The following MACROD2 variants were observed in gnomAD, a reference collection of about 807,000 sequenced individuals.
MACROD2 encodes the protein ADP-ribose glycohydrolase MACROD2.
Under a neutral mutation model 70.4 loss-of-function variants are expected in MACROD2, and 36 were observed. The ratio of observed to expected loss-of-function variants is 0.51; its 90% confidence interval spans 0.39 to 0.68. MACROD2 has a LOEUF of 0.68. Ranked by LOEUF, MACROD2 falls within the 30% of genes least tolerant of loss-of-function variation. The pLI, the probability that MACROD2 is intolerant of heterozygous loss-of-function variation, is 0.00. For missense variants in MACROD2, 496 were observed against 538.4 expected (o/e 0.92, Z 0.78); for synonymous variants, 172 against 178.8 (o/e 0.96, Z 0.30).
At chr20:14,698,219 G>A (rs192498565) in intron 5 of MACROD2, among the ~76,000 whole-genome samples, 36 of 152,226 alleles carry the variant, frequency 2.4e-4, no homozygotes, top group African/African-American at 5.1e-4. Flanking sequence ...TGGTCTTCCC[G>A]TCTGGGATGT....
intron 5 of MACROD2, among the ~76,000 whole-genome samples, chr20:15,190,086 A>T (rs1179662879): frequency 1.3e-5 from 2 of 152,178 alleles, no homozygotes; most frequent in Non-Finnish European, 1.5e-5. Context: ...TCCTCTTGTG[A>T]TGTATATTTA....
chr20:15,280,951 T>C (rs2193282), intron 6 of MACROD2: 37,749 of 152,216 alleles, frequency 0.25, 4,848 homozygotes, highest in Non-Finnish European at 0.28. Flanking sequence ...AATTAACTCA[T>C]AGTTTTGCAT....
chr20:14,299,680 T>G (rs2082458459), intron 3 of MACROD2, among the ~76,000 whole-genome samples: 1 of 152,180 alleles, frequency 6.6e-6, no homozygotes, highest in Non-Finnish European at 1.5e-5. Flanking sequence ...AAATAAAACT[T>G]AAAAACAAAC....
At chr20:15,718,587 G>A (rs2050739931) in intron 8 of MACROD2, among the ~76,000 whole-genome samples, 1 of 152,114 alleles carries the variant, frequency 6.6e-6, no homozygotes, top group Non-Finnish European at 1.5e-5. Flanking sequence ...GATCACCAAG[G>A]CTAGGTGTGG....
At chr20:15,270,133 G>A (rs892680140) in intron 6 of MACROD2, among the ~76,000 whole-genome samples, 9 of 149,402 alleles carry the variant, frequency 6.0e-5, no homozygotes, top group East Asian at 3.9e-4. Flanking sequence ...CTCCAGCCTC[G>A]GGGTCTCACA....
Position 14,102,446 on chromosome 20 carries a change from G to T in MACROD2, c.271+16718G>T, listed in dbSNP as rs544918334. Among the ~76,000 whole-genome samples the T allele has an allele frequency of 4.6e-5, 7 of 152,204 alleles. No homozygotes were observed. The South Asian group carries it at 1.5e-3, about 32-fold the overall frequency. ...TAACCATCTAAATAAACAATTAACA[G>T]CTGGCTACAAACTACTTATAGAATG... On this transcript the variant is annotated intron_variant, in intron 3 of 17. Coordinates refer to ENST00000684519, the MANE Select transcript of MACROD2 (RefSeq NM_001351661.2).
At chr20:14,466,603 C>A (rs749872895) in intron 3 of MACROD2, among the ~76,000 whole-genome samples, 2 of 152,060 alleles carry the variant, frequency 1.3e-5, no homozygotes, top group Non-Finnish European at 2.9e-5. Flanking sequence ...GGAGGAGGAG[C>A]GGTGCTCTGA....
At chr20:15,898,369 G>A (rs1456880371) in intron 10 of MACROD2, among the ~76,000 whole-genome samples, 1 of 151,970 alleles carries the variant, frequency 6.6e-6, no homozygotes, top group Non-Finnish European at 1.5e-5. Flanking sequence ...GGCCAACATG[G>A]TGAAACCCCC....
At chr20:15,984,129 T>G (rs1466205843) in intron 13 of MACROD2, among the ~76,000 whole-genome samples, 1 of 86,782 alleles carries the variant, frequency 1.2e-5, no homozygotes, top group East Asian at 3.1e-4. Flanking sequence ...TTTTAACTTT[T>G]TATAATTTTT....
rs115996312 is a variant in MACROD2, at chr20:15,172,706, G to A, written c.419-57234G>A. On this transcript the variant is annotated intron_variant, in intron 5 of 17. Transcript: ENST00000684519. The stretch of plus-strand genomic sequence containing the variant: ...ATTAGAGGCGTGAGCCCCTCACTTG[G>A]CAAAACTTGTAAATCTTTATGGAGT... 1.6e-3 allele frequency among the ~76,000 whole-genome samples: 241 copies of A among 152,282 alleles called. 2 individuals are homozygous for A. The highest frequency in any genetic ancestry group is 5.6e-3 in the African/African-American group (233 of 41,554).
intron 5 of MACROD2, among the ~76,000 whole-genome samples, chr20:15,203,313 A>C (rs1335330825): frequency 6.6e-6 from 1 of 152,110 alleles, no homozygotes; most frequent in Non-Finnish European, 1.5e-5. Context: ...TTGGGGATTG[A>C]ATCAATGGTT....
chr20:15,586,237 C>T (rs945028463), intron 8 of MACROD2, among the ~76,000 whole-genome samples: 1 of 152,172 alleles, frequency 6.6e-6, no homozygotes, highest in African/African-American at 2.4e-5. Flanking sequence ...ACCACTACTT[C>T]ACCCCCAGTG....
At chr20:15,714,583 G>C (rs916538158) in intron 8 of MACROD2, among the ~76,000 whole-genome samples, 1 of 152,056 alleles carries the variant, frequency 6.6e-6, no homozygotes, top group African/African-American at 2.4e-5. Flanking sequence ...GCTTGATTAG[G>C]GTCTTAACAC....
chr20:14,456,805 C>T (rs1017596562), intron 3 of MACROD2, among the ~76,000 whole-genome samples: 1 of 149,818 alleles, frequency 6.7e-6, no homozygotes, highest in Admixed American at 6.6e-5. Context: ...CAAGCCCCGC[C>T]TCCCGGGTTC....
At chr20:15,815,573 C>G (rs530084598) in intron 8 of MACROD2, among the ~76,000 whole-genome samples, 16 of 152,226 alleles carry the variant, frequency 1.1e-4, no homozygotes, top group African/African-American at 3.9e-4. Flanking sequence ...AGAAACACTT[C>G]TACTTGAGTG....
intron 10 of MACROD2, among the ~76,000 whole-genome samples, chr20:15,906,612 C>T (rs2065151027): frequency 6.6e-6 from 1 of 151,880 alleles, no homozygotes. Context: ...AAAAAAAACG[C>T]TTTCAAACTC....
At chr20:14,744,352 T>C (rs1811095466) in intron 5 of MACROD2, among the ~76,000 whole-genome samples, 1 of 152,204 alleles carries the variant, frequency 6.6e-6, no homozygotes, top group Admixed American at 6.5e-5. Context: ...TAAAATTGTA[T>C]GTATTTACCA....
intron 4 of MACROD2, among the ~76,000 whole-genome samples, chr20:14,520,022 A>AC (rs1461459247): frequency 2.0e-5 from 3 of 152,174 alleles, no homozygotes; most frequent in Non-Finnish European, 4.4e-5. Flanking sequence ...ATGAGAAAAC[A>AC]TGGACACAAA....
At position 16,049,815 on chromosome 20, in the gene MACROD2, T is replaced by C. The variant is rs2067433911; in HGVS notation, c.1301-15T>C. On this transcript the variant is annotated splice_polypyrimidine_tract_variant and intron_variant, in intron 17 of 17. Coordinates refer to ENST00000684519, the MANE Select transcript of MACROD2 (RefSeq NM_001351661.2). Reference sequence around the variant, plus strand: ...CTTATCTTTAATCTAACAAATGGCTTCTCTTTGTCTTCAGCAGGGGCACAA... The same window carrying C: ...CTTATCTTTAATCTAACAAATGGCTCCTCTTTGTCTTCAGCAGGGGCACAA... The C allele has an allele frequency of 6.2e-7, 1 of 1,613,116 alleles. No individual in the cohort carries two copies. Among genetic ancestry groups the C allele is most frequent in the Admixed American group, 1.7e-5 (1 of 59,934 alleles).
Sources: allele counts gnomAD v4.1 joint callset (sites outside exome capture counted in the v4.1 genomes callset), GRCh38; gene constraint gnomAD v4.1.1; transcripts MANE v1.5; gene names NCBI Gene and HGNC (gene_info 2026-07-23, HGNC 2026-07-21).